Variants in ROBO2 observed in about 807,000 individuals in gnomAD.
ROBO2 encodes roundabout homolog 2.
ROBO2 carries 53 observed loss-of-function variants against 160.8 expected under a neutral mutation model. The observed-to-expected ratio is 0.33, with a 90% CI of 0.26 to 0.41. The LOEUF is 0.41. Among genes scored for constraint, ROBO2 ranks in the 10% least tolerant of loss-of-function variants. ROBO2 has a pLI of 1.00. For missense variants in ROBO2, 1,577 were observed against 1,722.4 expected, an observed-to-expected ratio of 0.92 and a Z score of 1.49; for synonymous variants, 664 against 611.7, an observed-to-expected ratio of 1.09 and a Z score of -1.26.
intron 2 of ROBO2, among the ~76,000 whole-genome samples, chr3:77,333,427 G>A (rs2066179268): frequency 6.6e-6 from 1 of 152,150 alleles, no homozygotes; most frequent in Non-Finnish European, 1.5e-5. Context: ...AGAACAGAAT[G>A]CAAGTATAGA....
chr3:76,878,452 T>C (rs990903043), intron 2 of ROBO2, among the ~76,000 whole-genome samples: 5 of 152,176 alleles, frequency 3.3e-5, no homozygotes, highest in African/African-American at 1.2e-4. Context: ...ATAAAAAGAA[T>C]TCAGAACTCC....
intron 2 of ROBO2, among the ~76,000 whole-genome samples, chr3:76,417,792 A>G (rs1207425614): frequency 6.6e-6 from 1 of 152,158 alleles, no homozygotes; most frequent in Non-Finnish European, 1.5e-5. Context: ...AAGTTATTTT[A>G]AATTTTATAG....
At chr3:77,216,718 C>T (rs2085013050) in intron 2 of ROBO2, among the ~76,000 whole-genome samples, 1 of 152,172 alleles carries the variant, frequency 6.6e-6, no homozygotes, top group Non-Finnish European at 1.5e-5. Flanking sequence ...ATCTTGGCTC[C>T]ACCCCACAAA....
At chr3:75,951,330 T>G (rs1333784182) in intron 2 of ROBO2, among the ~76,000 whole-genome samples, 1 of 152,060 alleles carries the variant, frequency 6.6e-6, no homozygotes, top group Non-Finnish European at 1.5e-5. Context: ...AACTGGACAG[T>G]AAATATTATA....
intron 4 of ROBO2, among the ~76,000 whole-genome samples, chr3:77,491,959 G>A (rs555140850): frequency 6.6e-6 from 1 of 152,114 alleles, no homozygotes; most frequent in Admixed American, 6.5e-5. Context: ...TATGGATCTT[G>A]ATTTAGTCAA....
At chr3:77,549,217 C>T (rs2092820464) in intron 7 of ROBO2, among the ~76,000 whole-genome samples, 1 of 152,060 alleles carries the variant, frequency 6.6e-6, no homozygotes, top group African/African-American at 2.4e-5. Context: ...AGAAGGTGGA[C>T]TGATGGTACA....
chr3:77,347,041 C>T (rs1253200614), intron 2 of ROBO2, among the ~76,000 whole-genome samples: 1 of 152,092 alleles, frequency 6.6e-6, no homozygotes. Context: ...AAAGAAATCT[C>T]CCAGCGATAT....
At chr3:76,427,159 T>C (rs1304239574) in intron 2 of ROBO2, among the ~76,000 whole-genome samples, 1 of 152,104 alleles carries the variant, frequency 6.6e-6, no homozygotes, top group East Asian at 1.9e-4. Flanking sequence ...TTTACATGAT[T>C]CTCTTATTAG....
chr3:76,893,621 G>T (rs1184194570), intron 2 of ROBO2, among the ~76,000 whole-genome samples: 1 of 151,932 alleles, frequency 6.6e-6, no homozygotes, highest in Non-Finnish European at 1.5e-5. Flanking sequence ...AAGTCAGGGT[G>T]TTTAAGGTAT....
At chr3:76,047,811 T>A (rs1373072062) in intron 2 of ROBO2, among the ~76,000 whole-genome samples, 2 of 152,230 alleles carry the variant, frequency 1.3e-5, no homozygotes, top group African/African-American at 4.8e-5. Flanking sequence ...TCTAATAATC[T>A]AATCTGCAGA....
chr3:76,544,028 C>A (rs2108267851), intron 2 of ROBO2, among the ~76,000 whole-genome samples: 1 of 152,104 alleles, frequency 6.6e-6, no homozygotes, highest in African/African-American at 2.4e-5. Context: ...AGGGAAAAAT[C>A]CACATTTATT....
intron 2 of ROBO2, among the ~76,000 whole-genome samples, chr3:76,474,572 C>T (rs1278856277): frequency 6.6e-6 from 1 of 152,070 alleles, no homozygotes; most frequent in Non-Finnish European, 1.5e-5. Context: ...AAGAGGAACA[C>T]GACAATAAGT....
At chr3:77,123,258 G>A (rs1560057274) in intron 2 of ROBO2, among the ~76,000 whole-genome samples, 1 of 152,136 alleles carries the variant, frequency 6.6e-6, no homozygotes, top group African/African-American at 2.4e-5. Flanking sequence ...TATAAAGGAA[G>A]ATAATAAGCT....
intron 5 of ROBO2, among the ~76,000 whole-genome samples, chr3:77,500,425 A>G (rs533912151): frequency 6.6e-6 from 1 of 152,280 alleles, no homozygotes; most frequent in South Asian, 2.1e-4. Flanking sequence ...CATGATAATT[A>G]TATGATTATT....
chr3:77,245,692 G>T (rs540565589), intron 2 of ROBO2, among the ~76,000 whole-genome samples: 1 of 152,330 alleles, frequency 6.6e-6, no homozygotes, highest in East Asian at 1.9e-4. Context: ...TCGAGTGAGG[G>T]AAAAACTCTG....
At position 76,263,486 on chromosome 3, in the gene ROBO2, G is replaced by A. The variant is rs144798618; in HGVS notation, c.109+325884G>A. On this transcript the variant is annotated intron_variant, in intron 2 of 26. Transcript: ENST00000487694. ...AATCCTCCTGCCTTGACCTCCCAAA[G>A]TGCTGGGATTACAGGTGTGAGCCAC... Among the ~76,000 whole-genome samples, 393 of 152,240 alleles carry A rather than the reference G, an allele frequency of 2.6e-3. 3 individuals carry two copies. Among genetic ancestry groups the A allele is most frequent in the African/African-American group, 9.2e-3 (381 of 41,544 alleles).
intron 2 of ROBO2, among the ~76,000 whole-genome samples, chr3:76,271,877 G>T (rs1270597536): frequency 3.3e-5 from 5 of 151,948 alleles, no homozygotes; most frequent in Admixed American, 6.6e-5. Context: ...TTTCTGAAGT[G>T]ACAAACTTGC....
intron 2 of ROBO2, among the ~76,000 whole-genome samples, chr3:76,658,200 AC>A (rs1321166363): frequency 6.6e-6 from 1 of 151,762 alleles, no homozygotes; most frequent in African/African-American, 2.4e-5. Context: ...TAATTCCAAT[AC>A]CCAGACATAG....
At chr3:75,966,996 A>G (rs1559790728) in intron 2 of ROBO2, among the ~76,000 whole-genome samples, 2 of 151,014 alleles carry the variant, frequency 1.3e-5, no homozygotes, top group Admixed American at 6.6e-5. Flanking sequence ...GATTTCCACA[A>G]TGTGTGTGTG....
Sources: allele counts gnomAD v4.1 joint callset (sites outside exome capture counted in the v4.1 genomes callset), GRCh38; gene constraint gnomAD v4.1.1; transcripts MANE v1.5; gene names NCBI Gene and HGNC (gene_info 2026-07-23, HGNC 2026-07-21).